Variants in GRM7 observed in about 807,000 individuals in gnomAD.
GRM7 encodes glutamate metabotropic receptor 7.
GRM7 carries 35 observed loss-of-function variants against 84.5 expected under a neutral mutation model. The ratio of observed to expected loss-of-function variants is 0.41; its 90% confidence interval spans 0.32 to 0.55. The LOEUF is 0.55. Among genes scored for constraint, GRM7 ranks in the 20% least tolerant of loss-of-function variants. The probability of loss-of-function intolerance (pLI) is 0.19; values close to 1 mark genes in which losing one functional copy is unlikely to be tolerated. For synonymous variants in GRM7, 487 were observed against 455.1 expected (o/e 1.07, Z -0.89); for missense variants, 1,003 against 1,194.6 (o/e 0.84, Z 2.36).
intron 1 of GRM7, among the ~76,000 whole-genome samples, chr3:7,012,164 G>A (rs889386649): frequency 4.6e-5 from 7 of 152,206 alleles, no homozygotes; most frequent in African/African-American, 1.4e-4. Flanking sequence ...TGAGTGCCCA[G>A]GAGAATCCTG....
At position 7,594,227 on chromosome 3, in the gene GRM7, C is replaced by G. The variant is rs150971212; in HGVS notation, c.2451+14870C>G. On this transcript the variant is annotated intron_variant, in intron 8 of 9. Coordinates refer to ENST00000357716, the MANE Select transcript of GRM7 (RefSeq NM_000844.4). ...CCTCCTAGGCTTTTTAAAAAAATCC[C>G]TCATTGATTCAGCAAATTTTATTCA... Among the ~76,000 whole-genome samples, 480 of 152,266 alleles carry G rather than the reference C, an allele frequency of 3.2e-3. 5 individuals are homozygous for G. The highest frequency in any genetic ancestry group is 8.3e-3 in the African/African-American group (343 of 41,558).
chr3:7,239,682 A>C (rs1369288766), intron 2 of GRM7, among the ~76,000 whole-genome samples: 1 of 152,134 alleles, frequency 6.6e-6, no homozygotes, highest in Non-Finnish European at 1.5e-5. Flanking sequence ...AGAGGGGGAC[A>C]TTTTTGATCT....
intron 1 of GRM7, among the ~76,000 whole-genome samples, chr3:7,054,380 T>TTATGATATATATATCATA (rs1306911693): frequency 6.7e-6 from 1 of 150,194 alleles, no homozygotes; most frequent in African/African-American, 2.4e-5. Flanking sequence ...ATGATATCTT[T>TTATGATATATATATCATA]TATGATATAT....
intron 8 of GRM7, among the ~76,000 whole-genome samples, chr3:7,648,576 G>A (rs1236455376): frequency 3.3e-5 from 5 of 151,844 alleles, no homozygotes; most frequent in African/African-American, 1.2e-4. Flanking sequence ...TTGAACCTAG[G>A]AGGTGGAGGC....
At chr3:6,936,743 T>A (rs577113598) in intron 1 of GRM7, among the ~76,000 whole-genome samples, 1 of 152,336 alleles carries the variant, frequency 6.6e-6, no homozygotes, top group South Asian at 2.1e-4. Context: ...GTTTCTACAT[T>A]ATTATTTTAA....
intron 8 of GRM7, among the ~76,000 whole-genome samples, chr3:7,585,044 AT>A (rs1297450326): frequency 6.6e-6 from 1 of 152,032 alleles, no homozygotes; most frequent in East Asian, 1.9e-4. Context: ...AAAACTCCAT[AT>A]TTTCTCTTCT....
At chr3:7,373,640 G>A (rs1694228247) in intron 4 of GRM7, among the ~76,000 whole-genome samples, 1 of 152,208 alleles carries the variant, frequency 6.6e-6, no homozygotes. Context: ...AATAGCCACT[G>A]AGGCATAAGG....
intron 4 of GRM7, among the ~76,000 whole-genome samples, chr3:7,342,040 G>C (rs1692663057): frequency 6.6e-6 from 1 of 152,102 alleles, no homozygotes; most frequent in South Asian, 2.1e-4. Flanking sequence ...ATATTCACGA[G>C]TATAGGATGT....
At chr3:7,666,076 G>C (rs1350810571) in intron 8 of GRM7, among the ~76,000 whole-genome samples, 1 of 152,134 alleles carries the variant, frequency 6.6e-6, no homozygotes, top group African/African-American at 2.4e-5. Context: ...AATTACTGAT[G>C]ATTATATATA....
chr3:7,228,977 CAAAAT>C (rs1241989116), intron 2 of GRM7, among the ~76,000 whole-genome samples: 1 of 152,064 alleles, frequency 6.6e-6, no homozygotes, highest in Non-Finnish European at 1.5e-5. Context: ...TGTTTTTACA[CAAAAT>C]GAAAATATCA....
At chr3:7,000,386 C>T (rs2124875373) in intron 1 of GRM7, among the ~76,000 whole-genome samples, 1 of 151,962 alleles carries the variant, frequency 6.6e-6, no homozygotes, top group East Asian at 1.9e-4. Flanking sequence ...AGGATTTCAC[C>T]ACATTGGCCA....
At chr3:7,696,355 T>G (rs2125154892) in intron 9 of GRM7, among the ~76,000 whole-genome samples, 1 of 152,328 alleles carries the variant, frequency 6.6e-6, no homozygotes, top group Admixed American at 6.5e-5. Context: ...TCATTCATTC[T>G]ATAGTTGAAC....
At position 7,244,060 on chromosome 3, in the gene GRM7, C is replaced by G. The variant is rs1389840410; in HGVS notation, c.737-54624C>G. On this transcript the variant is annotated intron_variant, in intron 2 of 9. Coordinates refer to ENST00000357716, the MANE Select transcript of GRM7 (RefSeq NM_000844.4). ...GTGAGTGGTGAGTGAATGTGAAGGC[C>G]TAGGATGTTACTATACACCACTGTA... is the stretch of plus-strand genomic sequence containing the variant. Among the ~76,000 whole-genome samples the G allele has an allele frequency of 2.6e-5, 4 of 151,994 alleles. No individual in the cohort carries two copies. In the East Asian group the frequency reaches 7.7e-4, roughly 29 times the overall value.
intron 8 of GRM7, among the ~76,000 whole-genome samples, chr3:7,653,602 T>C (rs537635263): frequency 9.8e-5 from 15 of 152,318 alleles, no homozygotes; most frequent in African/African-American, 3.6e-4. Flanking sequence ...TCATATTACA[T>C]GGCTGGTTAG....
intron 1 of GRM7, among the ~76,000 whole-genome samples, chr3:6,952,533 T>G (rs563882938): frequency 1.3e-5 from 2 of 152,306 alleles, no homozygotes; most frequent in East Asian, 3.9e-4. Flanking sequence ...TGAAGAAGTC[T>G]TTTGGGCTCT....
chr3:7,519,628 A>C (rs1054381722), intron 7 of GRM7: 1 of 152,224 alleles, frequency 6.6e-6, no homozygotes, highest in African/African-American at 2.4e-5. Flanking sequence ...AAATAGATTT[A>C]TATCATTTTG....
chr3:7,385,289 A>ATTTTTTT (rs574917994), intron 4 of GRM7, among the ~76,000 whole-genome samples: 9 of 67,288 alleles, frequency 1.3e-4, no homozygotes, highest in African/African-American at 4.4e-4. Flanking sequence ...TTCTATATGG[A>ATTTTTTT]TTTTTTTTTT....
At chr3:7,051,443 T>C (rs1303988857) in intron 1 of GRM7, among the ~76,000 whole-genome samples, 2 of 151,790 alleles carry the variant, frequency 1.3e-5, no homozygotes, top group African/African-American at 4.8e-5. Context: ...AATGGCAGTC[T>C]ATGAGAACCA....
intron 2 of GRM7, among the ~76,000 whole-genome samples, chr3:7,170,359 T>C (rs1483580750): frequency 6.6e-6 from 1 of 152,110 alleles, no homozygotes; most frequent in Non-Finnish European, 1.5e-5. Context: ...CACCAAGACT[T>C]GAGTAAGGCG....
Sources: allele counts gnomAD v4.1 joint callset (sites outside exome capture counted in the v4.1 genomes callset), GRCh38; gene constraint gnomAD v4.1.1; transcripts MANE v1.5; gene names NCBI Gene and HGNC (gene_info 2026-07-23, HGNC 2026-07-21).